Variants in ZHX3 observed in about 807,000 individuals in gnomAD.
ZHX3 encodes the protein zinc fingers and homeoboxes 3, also known as zinc fingers and homeoboxes protein 3.
A neutral mutation model predicts 64.5 loss-of-function variants in ZHX3; 20 were observed. The ratio of observed to expected loss-of-function variants is 0.31; its 90% CI spans 0.22 to 0.45. ZHX3 has a LOEUF of 0.45. ZHX3 is among the 20% of genes least tolerant of loss of function. The pLI, the probability that ZHX3 is intolerant of heterozygous loss-of-function variation, is 1.00. For synonymous variants in ZHX3, 423 were observed against 461.6 expected, an observed-to-expected ratio of 0.92 and a Z score of 1.07; for missense variants, 1,041 against 1,195.8, an observed-to-expected ratio of 0.87 and a Z score of 1.91.
At chr20:41,268,357 C>A (rs2042963381) in intron 2 of ZHX3, among the ~76,000 whole-genome samples, 1 of 116,842 alleles carries the variant, frequency 8.6e-6, no homozygotes, top group Non-Finnish European at 1.6e-5. Context: ...GCTCTATTTA[C>A]AATGATTGTT....
At chr20:41,278,331 G>C (rs558241337) in intron 1 of ZHX3, among the ~76,000 whole-genome samples, 5 of 137,742 alleles carry the variant, frequency 3.6e-5, no homozygotes, top group African/African-American at 1.4e-4. Context: ...GTGACAGAGA[G>C]AGACCCTGTC....
intron 2 of ZHX3, among the ~76,000 whole-genome samples, chr20:41,230,396 G>T (rs1568861408): frequency 6.6e-6 from 1 of 152,100 alleles, no homozygotes; most frequent in Non-Finnish European, 1.5e-5. Context: ...TACTTAGGGA[G>T]CAGGATATCA....
At chr20:41,291,828 A>T (rs1303306976) in intron 1 of ZHX3, among the ~76,000 whole-genome samples, 1 of 151,964 alleles carries the variant, frequency 6.6e-6, no homozygotes, top group Non-Finnish European at 1.5e-5. Flanking sequence ...ATTAGATGAT[A>T]TTAAAGAACT....
In ZHX3 at chr20:41,204,414, G is replaced by C; in HGVS notation, c.503C>G (p.Pro168Arg). ...STSTPDLAGEPSAEGADGQAE... is the reference protein window; with the variant it reads ...STSTPDLAGERSAEGADGQAE... Reference sequence around the variant, plus strand: ...CTGTCCATCAGCCCCTTCAGCACTGGGCTCACCCGCTAGGTCAGGAGTGCT... The same window carrying C: ...CTGTCCATCAGCCCCTTCAGCACTGCGCTCACCCGCTAGGTCAGGAGTGCT... Residue 168 changes from proline (P) to arginine (R), a missense_variant, in exon 3 of 4, where the codon CCC becomes CGC. Coordinates refer to ENST00000683867, the MANE Select transcript of ZHX3 (RefSeq NM_001384317.1). This position sits in a 1 kb window ranked among gnomAD's most constrained non-coding sequence, Gnocchi z 6.6. 1.2e-6 allele frequency: 2 copies of C among 1,614,124 alleles called. No individual in the cohort carries two copies. Among genetic ancestry groups the C allele is most frequent in the Non-Finnish European group, 1.7e-6 (2 of 1,180,032 alleles).
At chr20:41,281,836 T>A (rs149416186) in intron 1 of ZHX3, among the ~76,000 whole-genome samples, 195 of 152,322 alleles carry the variant, frequency 1.3e-3, no homozygotes, top group African/African-American at 4.4e-3. Flanking sequence ...AGTAACATAA[T>A]TGACTTATGT....
chr20:41,267,494 C>T (rs1475593219), intron 2 of ZHX3: 1 of 152,186 alleles, frequency 6.6e-6, no homozygotes, highest in South Asian at 2.1e-4. Flanking sequence ...TGGTTTAGAT[C>T]CTGGGGATAA....
At chr20:41,251,342 C>T (rs2041983920) in intron 2 of ZHX3, among the ~76,000 whole-genome samples, 2 of 152,104 alleles carry the variant, frequency 1.3e-5, no homozygotes, top group East Asian at 1.9e-4. Flanking sequence ...CAGGTTTCCA[C>T]ATTTCACTCA....
At chr20:41,194,627 T>C (rs1194394188) in intron 3 of ZHX3, among the ~76,000 whole-genome samples, 1 of 152,206 alleles carries the variant, frequency 6.6e-6, no homozygotes, top group East Asian at 1.9e-4. Flanking sequence ...TTGGAGGAGT[T>C]TGAGGAGAAC....
chr20:41,232,921 G>A lies in ZHX3; in HGVS notation c.-150-27855C>T, dbSNP rs558250040. Among the ~76,000 whole-genome samples, 33 of 152,310 alleles carry A rather than the reference G, an allele frequency of 2.2e-4. 1 individual carries two copies. The highest frequency in any genetic ancestry group is 7.9e-4 in the African/African-American group (33 of 41,560). On this transcript the variant is annotated intron_variant, in intron 2 of 3. Coordinates refer to ENST00000683867, the MANE Select transcript of ZHX3 (RefSeq NM_001384317.1). This position sits in a 1 kb window ranked among gnomAD's most constrained non-coding sequence, Gnocchi z 5.0. ...GATATGTATCAGTATTTTTCAAAATGTAAGCTCCAAACCATGACAGAGTCA... is the reference window on the plus strand; with the variant it reads ...GATATGTATCAGTATTTTTCAAAATATAAGCTCCAAACCATGACAGAGTCA...
Position 41,201,458 on chromosome 20 carries a change from A to G in ZHX3, c.2860+599T>C, listed in dbSNP as rs1158624425. The G allele has an allele frequency of 4.3e-6, 5 of 1,164,434 alleles. No homozygotes were observed. The African/African-American group carries it at 6.4e-5, about 15-fold the overall frequency. The allele number at this position is 1,164,434 out of a possible 1,614,324, so 72.1% of individuals were successfully genotyped here. A position where few individuals can be genotyped will look rare whatever the true frequency, so the allele number is the denominator to read the frequency against. On this transcript the variant is annotated intron_variant, in intron 3 of 3. Transcript: ENST00000683867. This position sits in a 1 kb window ranked among gnomAD's most constrained non-coding sequence, Gnocchi z 5.0. ...ATGTCTTAAATAAAAATAATCTTCT[A>G]TGATACATTTTGCTTTCGAGTACAA...
At chr20:41,303,968 T>G (rs1174631622) in intron 1 of ZHX3, among the ~76,000 whole-genome samples, 1 of 152,208 alleles carries the variant, frequency 6.6e-6, no homozygotes, top group Non-Finnish European at 1.5e-5. Context: ...TGCTGAAACA[T>G]TCACCTCCAG....
At chr20:41,270,067 G>A (rs940281099) in intron 1 of ZHX3, among the ~76,000 whole-genome samples, 1 of 152,126 alleles carries the variant, frequency 6.6e-6, no homozygotes, top group Non-Finnish European at 1.5e-5. Context: ...CCCAGATAAG[G>A]AAACTTGTTA....
intron 1 of ZHX3, chr20:41,299,871 CAAAAAAAAAA>C (rs558506519): frequency 1.8e-5 from 1 of 55,010 alleles, no homozygotes; most frequent in African/African-American, 6.8e-5. Flanking sequence ...GACTCGGTCT[CAAAAAAAAAA>C]AAAAAAAAAA....
chr20:41,294,299 T>C (rs1245856867), intron 1 of ZHX3, among the ~76,000 whole-genome samples: 19 of 152,242 alleles, frequency 1.2e-4, no homozygotes, highest in Non-Finnish European at 1.5e-5. Context: ...ATTTTGTATG[T>C]AAATGATGTC....
intron 2 of ZHX3, among the ~76,000 whole-genome samples, chr20:41,240,270 A>T (rs1176732194): frequency 1.3e-5 from 2 of 152,204 alleles, no homozygotes; most frequent in African/African-American, 4.8e-5. Flanking sequence ...GGGACAGTAA[A>T]TCATATCATA....
intron 3 of ZHX3, among the ~76,000 whole-genome samples, chr20:41,192,113 T>TA (rs1306309142): frequency 1.3e-5 from 2 of 152,168 alleles, no homozygotes; most frequent in Non-Finnish European, 2.9e-5. Context: ...TCCCAAGTGA[T>TA]ATGTGCTTGT....
At chr20:41,286,601 C>G (rs1012277901) in intron 1 of ZHX3, among the ~76,000 whole-genome samples, 25 of 152,184 alleles carry the variant, frequency 1.6e-4, no homozygotes, top group Admixed American at 1.6e-3. Flanking sequence ...CAATGGCTTC[C>G]CATTTCAGAG....
In ZHX3 at chr20:41,184,503, T is replaced by G. The variant is rs143338249; in HGVS notation, c.*688A>C. 174 of 180,296 alleles carry G rather than the reference T, an allele frequency of 9.7e-4. No homozygotes were observed. Among genetic ancestry groups the G allele is most frequent in the African/African-American group, 4.0e-3 (168 of 42,324 alleles). 11.2% of individuals were successfully genotyped at this position (180,296 alleles called of 1,614,324 possible). ...GTAAAGCATCCAACGCTAATCACAT[T>G]GCCAGTCCATTTTTTGAACTGAGGG... On this transcript the variant is annotated 3_prime_UTR_variant, in exon 4 of 4. Coordinates refer to ENST00000683867, the MANE Select transcript of ZHX3 (RefSeq NM_001384317.1).
chr20:41,289,760 G>A (rs1335117322), intron 1 of ZHX3, among the ~76,000 whole-genome samples: 1 of 148,770 alleles, frequency 6.7e-6, no homozygotes, highest in Non-Finnish European at 1.5e-5. Flanking sequence ...GATTACAAAT[G>A]CCACCGAGAA....
Sources: allele counts gnomAD v4.1 joint callset (sites outside exome capture counted in the v4.1 genomes callset), GRCh38; gene constraint gnomAD v4.1.1; non-coding constraint Gnocchi (gnomAD v3.1); transcripts MANE v1.5; gene names NCBI Gene and HGNC (gene_info 2026-07-23, HGNC 2026-07-21).